Variants in KIF26B observed in about 807,000 individuals in gnomAD.
KIF26B encodes kinesin family member 26B.
A neutral mutation model predicts 151.2 loss-of-function variants in KIF26B; 63 were observed. The ratio of observed to expected loss-of-function variants is 0.42; its 90% CI spans 0.34 to 0.51. KIF26B has a LOEUF of 0.51. Ranked by LOEUF, KIF26B falls within the 20% of genes least tolerant of loss-of-function variation. The probability of loss-of-function intolerance (pLI) is 0.07; values close to 1 mark genes in which losing one functional copy is unlikely to be tolerated. For synonymous variants in KIF26B, 1,357 were observed against 1,262.1 expected, an observed-to-expected ratio of 1.08 and a Z score of -1.59; for missense variants, 2,813 against 2,913.6, an observed-to-expected ratio of 0.97 and a Z score of 0.79.
intron 9 of KIF26B, among the ~76,000 whole-genome samples, chr1:245,641,864 T>C (rs1417984280): frequency 1.3e-5 from 2 of 151,986 alleles, no homozygotes; most frequent in South Asian, 4.2e-4. Context: ...CTGAATGTTC[T>C]TGACGCTTGA....
At chr1:245,403,766 T>C (rs886900491) in intron 3 of KIF26B, among the ~76,000 whole-genome samples, 2 of 152,230 alleles carry the variant, frequency 1.3e-5, no homozygotes, top group Non-Finnish European at 2.9e-5. Context: ...CCTGTGGAAA[T>C]GCAAATAGCA....
At chr1:245,203,260 G>GA (rs1669338591) in intron 2 of KIF26B, among the ~76,000 whole-genome samples, 2 of 26,210 alleles carry the variant, frequency 7.6e-5, no homozygotes, top group African/African-American at 1.4e-4. Context: ...AAAAAAAAAA[G>GA]AAAATGAGTT....
Position 245,156,605 on chromosome 1 carries a change from C to T in KIF26B, c.387C>T (p.Cys129=). Residue 129 remains cysteine, a synonymous_variant, in exon 2 of 15, where the codon TGC becomes TGT. Coordinates refer to ENST00000407071, the MANE Select transcript of KIF26B (RefSeq NM_018012.4). ...CCGGCTCGGACCGCGGCGTCTGGTG[C>T]GAGAACTGCAACGCCCGCCTGGTGG... ...SSPGSDRGVW[C]ENCNARLVEL... is the part of the protein sequence containing the mutation. 2 of 1,526,372 alleles carry T rather than the reference C, an allele frequency of 1.3e-6. No homozygotes were observed. The highest frequency in any genetic ancestry group is 1.7e-6 in the Non-Finnish European group (2 of 1,143,464). The allele number at this position is 1,526,372 out of a possible 1,614,324, so 94.6% of individuals were successfully genotyped here. A position where few individuals can be genotyped will look rare whatever the true frequency, so the allele number is the denominator to read the frequency against.
At chr1:245,234,784 C>T (rs576790953) in intron 2 of KIF26B, among the ~76,000 whole-genome samples, 13 of 152,298 alleles carry the variant, frequency 8.5e-5, no homozygotes, top group Admixed American at 2.6e-4. Flanking sequence ...AGCAGGGGAG[C>T]GCCGTTTCCA....
intron 2 of KIF26B, among the ~76,000 whole-genome samples, chr1:245,320,071 C>T (rs948239273): frequency 3.9e-5 from 6 of 152,174 alleles, no homozygotes; most frequent in Non-Finnish European, 8.8e-5. Context: ...TGATGGTCCA[C>T]GCTGTGAGGT....
intron 4 of KIF26B, among the ~76,000 whole-genome samples, chr1:245,460,602 G>T (rs892790436): frequency 1.5e-4 from 23 of 152,194 alleles, no homozygotes; most frequent in African/African-American, 5.5e-4. Context: ...TGTCAGTTTG[G>T]GAAGGTCCTT....
intron 3 of KIF26B, among the ~76,000 whole-genome samples, chr1:245,369,716 G>T (rs1343369762): frequency 6.6e-6 from 1 of 152,300 alleles, no homozygotes; most frequent in South Asian, 2.1e-4. Flanking sequence ...TGCCTACCGC[G>T]GTTTCTTCCA....
intron 4 of KIF26B, among the ~76,000 whole-genome samples, chr1:245,536,751 C>T (rs762157901): frequency 8.5e-5 from 13 of 152,282 alleles, no homozygotes; most frequent in Middle Eastern, 6.8e-3. Context: ...CCTCTAAAGG[C>T]TCATTCCTTC....
intron 5 of KIF26B, among the ~76,000 whole-genome samples, chr1:245,586,946 G>A (rs939464233): frequency 2.7e-5 from 4 of 150,666 alleles, no homozygotes; most frequent in Non-Finnish European, 4.4e-5. Context: ...CCCACGTGCC[G>A]GGCTATTTGC....
intron 9 of KIF26B, among the ~76,000 whole-genome samples, chr1:245,621,136 C>G (rs12143765): frequency 3.1e-3 from 472 of 152,266 alleles, no homozygotes; most frequent in Non-Finnish European, 5.1e-3. Flanking sequence ...GGAGTGGGAA[C>G]CAGACGTCAA....
chr1:245,691,754 T>G (rs567187991), intron 12 of KIF26B, among the ~76,000 whole-genome samples: 1 of 152,336 alleles, frequency 6.6e-6, no homozygotes, highest in South Asian at 2.1e-4. Flanking sequence ...CTAGAATTAT[T>G]GGGAAAATAA....
At chr1:245,619,751 A>G (rs1387769371) in intron 9 of KIF26B, among the ~76,000 whole-genome samples, 1 of 151,846 alleles carries the variant, frequency 6.6e-6, no homozygotes, top group Admixed American at 6.6e-5. Flanking sequence ...CGTCTCTACT[A>G]AAAATACAAA....
chr1:245,484,768 T>C (rs1467952093), intron 4 of KIF26B, among the ~76,000 whole-genome samples: 1 of 82,680 alleles, frequency 1.2e-5, no homozygotes, highest in Non-Finnish European at 2.3e-5. Flanking sequence ...TTCTTCTTCA[T>C]ATTATTATTA....
intron 4 of KIF26B, among the ~76,000 whole-genome samples, chr1:245,524,632 G>GT (rs1457189813): frequency 3.9e-5 from 6 of 152,074 alleles, no homozygotes; most frequent in Non-Finnish European, 5.9e-5. Flanking sequence ...CTAAGTAACT[G>GT]TTTTTTGTAA....
intron 5 of KIF26B, among the ~76,000 whole-genome samples, chr1:245,600,377 G>A (rs995515247): frequency 2.0e-5 from 3 of 151,328 alleles, no homozygotes; most frequent in Non-Finnish European, 4.4e-5. Flanking sequence ...CTGTCACCCA[G>A]GCTGGAGTGC....
intron 2 of KIF26B, among the ~76,000 whole-genome samples, chr1:245,212,133 G>C (rs932378953): frequency 1.3e-5 from 2 of 152,202 alleles, no homozygotes; most frequent in African/African-American, 4.8e-5. Context: ...GGCAGAAGTG[G>C]GCGGTGGGGC....
In KIF26B at chr1:245,572,736, T is replaced by C. The variant is rs562164672; in HGVS notation, c.1351-29841T>C. Among the ~76,000 whole-genome samples the C allele has an allele frequency of 2.0e-5, 3 of 152,342 alleles. No homozygotes were observed. The East Asian group carries it at 5.8e-4, about 29-fold the overall frequency. ...CACATTTACTTCATAATGTATTACC[T>C]ACGTATAGTGTATGTTGTTCGCTTC... On this transcript the variant is annotated intron_variant, in intron 5 of 14. Transcript: ENST00000407071. The surrounding 1 kb of genome is among the most constrained non-coding windows in gnomAD (Gnocchi z 4.2).
chr1:245,551,729 C>A (rs769021316), intron 5 of KIF26B, among the ~76,000 whole-genome samples: 1 of 152,290 alleles, frequency 6.6e-6, no homozygotes, highest in South Asian at 2.1e-4. Flanking sequence ...TGGCTCTTGT[C>A]TGGAGGCTCC....
At chr1:245,192,938 T>C (rs190326283) in intron 2 of KIF26B, among the ~76,000 whole-genome samples, 1 of 152,310 alleles carries the variant, frequency 6.6e-6, no homozygotes, top group East Asian at 1.9e-4. Flanking sequence ...AGGTTTGTGA[T>C]ACAGGTAAGT....
Sources: gnomAD v4.1 joint callset for allele counts (sites outside exome capture counted in the v4.1 genomes callset) on GRCh38, gnomAD v4.1.1 for gene constraint, Gnocchi (gnomAD v3.1) non-coding constraint, MANE v1.5 for transcripts, NCBI Gene and HGNC (gene_info 2026-07-23, HGNC 2026-07-21) for gene names.